GPD2: variants seen among roughly 807,000 people sequenced by gnomAD.
The protein encoded by GPD2 is glycerol-3-phosphate dehydrogenase, mitochondrial.
Under a neutral mutation model 82.4 loss-of-function variants are expected in GPD2, and 54 were observed. That is an observed-to-expected ratio of 0.66 (90% CI 0.53 to 0.82). The LOEUF is 0.82. Among genes scored for constraint, GPD2 ranks in the 40% least tolerant of loss-of-function variants. The pLI is 0.00. For missense variants in GPD2, 748 were observed against 896.2 expected, an observed-to-expected ratio of 0.83 and a Z score of 2.11; for synonymous variants, 288 against 306.1, an observed-to-expected ratio of 0.94 and a Z score of 0.62.
In GPD2 at chr2:156,568,912, G is replaced by A. The variant is rs373946105; in HGVS notation, c.1253G>A (p.Arg418Gln). The A allele has an allele frequency of 3.8e-5, 62 of 1,611,528 alleles. No homozygotes were observed. The highest frequency in any genetic ancestry group is 4.9e-5 in the Non-Finnish European group (58 of 1,178,114). The stretch of plus-strand genomic sequence containing the variant: ...TCTGCAGATACTCAGTCTATCTCCC[G>A]AAATCATGTTGTTGATATCAGTGAG... ...PKSADTQSIS[R>Q]NHVVDISESG... Residue 418 changes from arginine (R) to glutamine (Q), a missense_variant, in exon 10 of 17, where the codon CGA becomes CAA. By Grantham distance (43) the Arg-to-Gln change is conservative. Coordinates refer to ENST00000438166, the MANE Select transcript of GPD2 (RefSeq NM_000408.5).
chr2:156,550,142 G>A (rs1283412089), intron 7 of GPD2, among the ~76,000 whole-genome samples: 1 of 152,170 alleles, frequency 6.6e-6, no homozygotes, highest in African/African-American at 2.4e-5. Context: ...TTGTTAAAGT[G>A]AATCTTTAAC....
intron 13 of GPD2, 68 bp from the exon 14 acceptor site, chr2:156,578,820 AG>A: frequency 1.1e-6 from 1 of 898,006 alleles, no homozygotes; most frequent in Non-Finnish European, 1.9e-6. Flanking sequence ...GAAGATCAAC[AG>A]TAAAAAAAGG....
intron 3 of GPD2, among the ~76,000 whole-genome samples, chr2:156,505,738 C>T (rs1017079099): frequency 5.9e-5 from 9 of 152,162 alleles, no homozygotes; most frequent in African/African-American, 1.9e-4. Context: ...TTATGCCCTT[C>T]AGGCTTAATT....
chr2:156,444,669 C>T (rs987337600), intron 1 of GPD2, among the ~76,000 whole-genome samples: 2 of 152,014 alleles, frequency 1.3e-5, no homozygotes, highest in Non-Finnish European at 2.9e-5. Flanking sequence ...GCGGAGACCA[C>T]GCCATTGCAC....
chr2:156,465,017 A>G (rs543635167), intron 1 of GPD2, among the ~76,000 whole-genome samples: 20 of 152,048 alleles, frequency 1.3e-4, no homozygotes, highest in African/African-American at 4.8e-4. Context: ...CGCCTGGCTA[A>G]TTTTTGTAGT....
chr2:156,517,794 T>C (rs1685253877), intron 6 of GPD2, among the ~76,000 whole-genome samples: 1 of 152,186 alleles, frequency 6.6e-6, no homozygotes, highest in African/African-American at 2.4e-5. Flanking sequence ...TGGATCTTTG[T>C]GGCTATTCTA....
the GPD2 span, among the ~76,000 whole-genome samples, chr2:156,400,315 G>T: frequency 8.5e-5 from 13 of 152,246 alleles, no homozygotes; most frequent in African/African-American, 2.9e-4. Flanking sequence ...CGCTCGCGGC[G>T]CGGCCCGAGC....
rs1001027288 is a variant in GPD2 at position 156,582,687 on chromosome 2, G to A, written c.2059-106G>A. 5 of 1,199,244 alleles carry A rather than the reference G, an allele frequency of 4.2e-6. No individual in the cohort carries two copies. The African/African-American group carries it at 7.5e-5, about 18-fold the overall frequency. The allele number at this position is 1,199,244 out of a possible 1,614,324, so 74.3% of individuals were successfully genotyped here. A position where few individuals can be genotyped will look rare whatever the true frequency, so the allele number is the denominator to read the frequency against. ...GTAGTACTTGTTAAGGTTTTTGATG[G>A]AGCACTTAATTACCTCTGTCTGCTG... is the stretch of plus-strand genomic sequence containing the variant. On this transcript the variant is annotated intron_variant, in intron 16 of 16. Transcript: ENST00000438166.
the GPD2 span, among the ~76,000 whole-genome samples, chr2:156,417,473 C>G: frequency 6.6e-6 from 1 of 152,042 alleles, no homozygotes; most frequent in Non-Finnish European, 1.5e-5. Context: ...TATTCCAGTT[C>G]CTGAACAAGC....
intron 1 of GPD2, among the ~76,000 whole-genome samples, chr2:156,462,413 G>A (rs1417981914): frequency 6.7e-6 from 1 of 149,896 alleles, no homozygotes; most frequent in Non-Finnish European, 1.5e-5. Context: ...AGCCTCCCAA[G>A]TAGCTGGGAT....
At chr2:156,532,275 G>T (rs1240658424) in intron 6 of GPD2, among the ~76,000 whole-genome samples, 1 of 152,172 alleles carries the variant, frequency 6.6e-6, no homozygotes, top group African/African-American at 2.4e-5. Flanking sequence ...CCAAAGTGCT[G>T]GGATTACAGA....
At chr2:156,551,559 T>C (rs1347799189) in intron 8 of GPD2, among the ~76,000 whole-genome samples, 1 of 152,212 alleles carries the variant, frequency 6.6e-6, no homozygotes, top group Non-Finnish European at 1.5e-5. Flanking sequence ...GTAGTAATTC[T>C]ATATGAAATA....
At chr2:156,403,503 C>T in the GPD2 span, among the ~76,000 whole-genome samples, 1 of 152,072 alleles carries the variant, frequency 6.6e-6, no homozygotes, top group Admixed American at 6.6e-5. Context: ...GGCTCTACAC[C>T]ATCCTGACAT....
intron 1 of GPD2, among the ~76,000 whole-genome samples, chr2:156,468,074 A>G (rs1683207199): frequency 6.6e-6 from 1 of 152,124 alleles, no homozygotes; most frequent in Admixed American, 6.5e-5. Flanking sequence ...GGTGTGTCTG[A>G]ACTATGAGAT....
intron 6 of GPD2, among the ~76,000 whole-genome samples, chr2:156,516,510 C>G (rs1685200880): frequency 6.6e-6 from 1 of 152,194 alleles, no homozygotes; most frequent in South Asian, 2.1e-4. Flanking sequence ...ATGATCATAG[C>G]TTCCCACAGC....
In GPD2 at chr2:156,486,751, A is replaced by G. The variant is rs150412546; in HGVS notation, c.103-9293A>G. Among the ~76,000 whole-genome samples the G allele has an allele frequency of 3.5e-3, 535 of 152,384 alleles. 2 individuals are homozygous for G. Among genetic ancestry groups the G allele is most frequent in the Admixed American group, 5.7e-3 (87 of 15,302 alleles). On this transcript the variant is annotated intron_variant, in intron 2 of 16. Transcript: ENST00000438166. ...AGAATTTCTGTAAACTAATTGTACA[A>G]TAGTGAGTACCAACTAGAAAAATCA...
chr2:156,561,471 G>T (rs1687175936), intron 9 of GPD2, among the ~76,000 whole-genome samples: 1 of 151,952 alleles, frequency 6.6e-6, no homozygotes, highest in African/African-American at 2.4e-5. Context: ...TTTCCTGATG[G>T]GATACTATGT....
chr2:156,433,801 A>G (rs947593355), upstream of GPD2, among the ~76,000 whole-genome samples: 5 of 152,160 alleles, frequency 3.3e-5, no homozygotes, highest in Admixed American at 6.5e-5. Flanking sequence ...TCAAATCAAG[A>G]AACATTTAAA....
chr2:156,422,546 C>T, the GPD2 span, among the ~76,000 whole-genome samples: 1 of 151,724 alleles, frequency 6.6e-6, no homozygotes, highest in Non-Finnish European at 1.5e-5. Context: ...ATGGCTAACA[C>T]GGTGAAACCT....
Sources: allele counts gnomAD v4.1 joint callset (sites outside exome capture counted in the v4.1 genomes callset), GRCh38; gene constraint gnomAD v4.1.1; transcripts MANE v1.5; gene names NCBI Gene and HGNC (gene_info 2026-07-23, HGNC 2026-07-21).